The following ABCC2 variants were observed in gnomAD, a reference collection of about 807,000 sequenced individuals.
ABCC2 encodes the protein ATP binding cassette subfamily C member 2, also known as ATP-binding cassette sub-family C member 2.
Under a neutral mutation model 173.4 loss-of-function variants are expected in ABCC2, and 157 were observed. The ratio of observed to expected loss-of-function variants is 0.91; its 90% CI spans 0.80 to 1.03. ABCC2 has a LOEUF of 1.03. Ranked by LOEUF, ABCC2 falls within the 50% of genes least tolerant of loss-of-function variation. The probability of loss-of-function intolerance (pLI) is 0.00; values close to 1 mark genes in which losing one functional copy is unlikely to be tolerated. For synonymous variants in ABCC2, 657 were observed against 693.5 expected (o/e 0.95, Z 0.83); for missense variants, 1,822 against 1,852.3 (o/e 0.98, Z 0.30).
At position 99,845,627 on chromosome 10, in the gene ABCC2, G is replaced by A. The variant is rs769749645; in HGVS notation, c.3991G>A (p.Gly1331Ser). 1.1e-5 allele frequency: 18 copies of A among 1,613,950 alleles called. No individual in the cohort carries two copies. Among genetic ancestry groups the A allele is most frequent in the Non-Finnish European group, 1.5e-5 (18 of 1,179,994 alleles). Residue 1331 changes from glycine (G) to serine (S), a missense_variant, in exon 29 of 32, where the codon GGT (glycine) becomes AGT (serine). Physicochemically the swap from Gly to Ser is moderately conservative, Grantham distance 56. Coordinates refer to ENST00000647814, the MANE Select transcript of ABCC2 (RefSeq NM_000392.5). ...TGTAAGGGAACTATATTCGCAGATT[G>A]GTGTGGTGGGCAGGACAGGAGCTGG... ...TCDIGSMEKI[G>S]VVGRTGAGKS...
intron 9 of ABCC2, among the ~76,000 whole-genome samples, chr10:99,801,311 A>G (rs780368138): frequency 6.6e-6 from 1 of 152,172 alleles, no homozygotes; most frequent in Non-Finnish European, 1.5e-5. Flanking sequence ...ATCTTGGCTC[A>G]CTGCAACCTC....
chr10:99,817,289 C>A lies in ABCC2; in HGVS notation c.2095-19C>A, dbSNP rs1564687750. On this transcript the variant is annotated intron_variant, in intron 16 of 31. Coordinates refer to ENST00000647814, the MANE Select transcript of ABCC2 (RefSeq NM_000392.5). ...TCTGGAGGTGCAGCTGTAACATGAT[C>A]TGATCCTTTTTCATCTAGGGCACCA... 1 of 1,613,980 alleles carries A rather than the reference C, an allele frequency of 6.2e-7. No individual in the cohort carries two copies. The highest frequency in any genetic ancestry group is 8.5e-7 in the Non-Finnish European group (1 of 1,179,880).
chr10:99,830,538 C>T (rs2038720715), intron 20 of ABCC2, 105 bp downstream of exon 20: 6 of 1,572,290 alleles, frequency 3.8e-6, no homozygotes, highest in Non-Finnish European at 5.2e-6. Flanking sequence ...ACCATGGACA[C>T]TCCAAGCTCT....
chr10:99,833,017 C>T (rs2038765438), intron 23 of ABCC2, among the ~76,000 whole-genome samples: 1 of 152,234 alleles, frequency 6.6e-6, no homozygotes. Context: ...ATCACCAGCA[C>T]AGTTTTTAGC....
chr10:99,807,947 T>A, intron 12 of ABCC2, 136 bp from the exon 13 acceptor site: 1 of 1,101,934 alleles, frequency 9.1e-7, no homozygotes. Context: ...TGGGCTCAGT[T>A]TTCTCATCTG....
At chr10:99,829,429 G>A (rs2133108515) in intron 19 of ABCC2, among the ~76,000 whole-genome samples, 1 of 144,764 alleles carries the variant, frequency 6.9e-6, no homozygotes, top group Non-Finnish European at 1.5e-5. Flanking sequence ...TAATTTCAGA[G>A]CTCTGAAAAA....
intron 21 of ABCC2, 38 bp downstream of exon 21, chr10:99,830,889 T>G (rs751566167): frequency 1.9e-6 from 3 of 1,612,908 alleles, no homozygotes; most frequent in South Asian, 2.2e-5. Flanking sequence ...TGAGGTGTTA[T>G]AAGGTTTAGA....
intron 19 of ABCC2, among the ~76,000 whole-genome samples, chr10:99,824,975 T>C (rs1199507443): frequency 9.6e-6 from 1 of 104,180 alleles, no homozygotes; most frequent in Non-Finnish European, 2.0e-5. Context: ...TTTTCCAAGT[T>C]AATGGTATGG....
At chr10:99,846,617 T>C (rs1337421620) in intron 29 of ABCC2, among the ~76,000 whole-genome samples, 1 of 152,192 alleles carries the variant, frequency 6.6e-6, no homozygotes, top group Non-Finnish European at 1.5e-5. Context: ...TGCGTGCCTC[T>C]GGTCCCAGCT....
In ABCC2 at chr10:99,818,843, C is replaced by A; in HGVS notation, c.2325C>A (p.Thr775=). The change falls in exon 18 of 32, where the codon ACC becomes ACA. Residue 775 remains threonine (T), a synonymous_variant. Transcript: ENST00000647814. The part of the protein sequence containing the change: ...QKQRISLARA[T]YQNLDIYLLD... The stretch of plus-strand genomic sequence containing the variant: ...AGCGGATCAGCCTGGCCAGAGCTAC[C>A]TACCAAAATTTAGACATCTATCTTC... 6.2e-7 allele frequency: 1 copy of A among 1,614,162 alleles called. No homozygotes were observed. Among genetic ancestry groups the A allele is most frequent in the Non-Finnish European group, 8.5e-7 (1 of 1,180,042 alleles).
At chr10:99,819,043 AT>A in intron 18 of ABCC2, 45 bp from the exon 19 acceptor site, 1 of 1,612,524 alleles carries the variant, frequency 6.2e-7, no homozygotes, top group Non-Finnish European at 8.5e-7. Context: ...GACAGGGAAG[AT>A]GGTGGACATA....
chr10:99,833,397 C>T (rs1323100814), intron 23 of ABCC2, among the ~76,000 whole-genome samples: 1 of 152,184 alleles, frequency 6.6e-6, no homozygotes, highest in African/African-American at 2.4e-5. Context: ...AGTTTGAAGA[C>T]TGCTTTTGCA....
At chr10:99,835,966 T>C in intron 24 of ABCC2, 125 bp from the exon 25 acceptor site, 1 of 943,192 alleles carries the variant, frequency 1.1e-6, no homozygotes, top group Non-Finnish European at 1.7e-6. Flanking sequence ...CTGCAGGCTT[T>C]TGTCTTGTTC....
intron 16 of ABCC2, among the ~76,000 whole-genome samples, chr10:99,815,298 GT>G (rs2038389404): frequency 2.0e-5 from 3 of 152,108 alleles, no homozygotes. Flanking sequence ...TGGCTGCATA[GT>G]ATTCCATGGT....
In ABCC2 at chr10:99,842,056, G is replaced by T; in HGVS notation, c.3704G>T (p.Gly1235Val). ...MMVIYRDTLS[G>V]DTVGFVLSNA... ...GTTATTTATAGAGATACCCTAAGTG[G>T]GGACACTGTTGGCTTTGTTCTGTCC... The change falls in exon 26 of 32, where the codon GGG becomes GTG. Residue 1235 changes from glycine to valine, a missense_variant. Coordinates refer to ENST00000647814, the MANE Select transcript of ABCC2 (RefSeq NM_000392.5). 6.2e-7 allele frequency: 1 copy of T among 1,614,170 alleles called. No individual in the cohort carries two copies. The highest frequency in any genetic ancestry group is 8.5e-7 in the Non-Finnish European group (1 of 1,180,040).
At chr10:99,795,749 A>C (rs1397681963) in intron 6 of ABCC2, among the ~76,000 whole-genome samples, 1 of 109,494 alleles carries the variant, frequency 9.1e-6, no homozygotes, top group Non-Finnish European at 1.9e-5. Flanking sequence ...GAAAGAAAGA[A>C]AGAAAGAAAG....
chr10:99,814,996 C>A (rs1489683236), intron 16 of ABCC2, among the ~76,000 whole-genome samples: 4 of 150,718 alleles, frequency 2.7e-5, no homozygotes, highest in African/African-American at 4.9e-5. Flanking sequence ...ACTTTAAGTT[C>A]CAGGATACAT....
chr10:99,809,548 G>T (rs1279514316), intron 13 of ABCC2, among the ~76,000 whole-genome samples: 1 of 152,218 alleles, frequency 6.6e-6, no homozygotes, highest in Non-Finnish European at 1.5e-5. Flanking sequence ...ACCATCTCAT[G>T]ACAGCCTCTT....
In ABCC2 at chr10:99,847,031, T is replaced by C. The variant is rs371641096; in HGVS notation, c.4217T>C (p.Ile1406Thr). ...DPFNNYSDEE[I>T]WKALELAHLK... ...TTCAACAACTACTCAGATGAGGAGA[T>C]TTGGAAGGCCTTGGAGCTGGCTCAC... The change falls in exon 30 of 32, where the codon ATT becomes ACT. Residue 1406 changes from isoleucine to threonine, a missense_variant. Ile to Thr is a moderately conservative substitution (Grantham distance 89). Transcript: ENST00000647814. 29 of 1,614,058 alleles carry C rather than the reference T, an allele frequency of 1.8e-5. No homozygotes were observed. The East Asian group carries it at 5.6e-4, about 31-fold the overall frequency.
Sources: allele counts gnomAD v4.1 joint callset (sites outside exome capture counted in the v4.1 genomes callset), GRCh38; gene constraint gnomAD v4.1.1; transcripts MANE v1.5; gene names NCBI Gene and HGNC (gene_info 2026-07-23, HGNC 2026-07-21).